The following RBM6 variants were observed in gnomAD, a reference collection of about 807,000 sequenced individuals.
The protein encoded by RBM6 is RNA binding motif protein 6, also known as RNA-binding protein 6.
In RBM6, 23 loss-of-function variants were observed where a neutral mutation model predicts 140.4. The observed-to-expected ratio is 0.16, with a 90% CI of 0.12 to 0.23. The LOEUF (loss-of-function observed/expected upper bound fraction) is 0.23. Among genes scored for constraint, RBM6 ranks in the 10% least tolerant of loss-of-function variants. The pLI, the probability that RBM6 is intolerant of heterozygous loss-of-function variation, is 1.00. For synonymous variants in RBM6, 439 were observed against 475.6 expected (o/e 0.92, Z 1.00); for missense variants, 1,139 against 1,386.7 (o/e 0.82, Z 2.84).
In RBM6 at chr3:49,968,422, G is replaced by A. The variant is rs143972186; in HGVS notation, c.997G>A (p.Glu333Lys). ...GCCTGCTTTTGGCATTCAGAAGGGAGAATTTGAGCATTCAGAAACAAGAGA... is the reference window on the plus strand; with the variant it reads ...GCCTGCTTTTGGCATTCAGAAGGGAAAATTTGAGCATTCAGAAACAAGAGA... ...ERPAFGIQKG[E>K]FEHSETREGE... Residue 333 changes from glutamate (E) to lysine (K), a missense_variant, in exon 3 of 21, where the codon GAA becomes AAA. This residue lies in a region of RBM6 where 566 missense variants were observed against 612.7 expected (regional missense o/e 0.92). Transcript: ENST00000266022. The A allele has an allele frequency of 4.7e-3, 7,550 of 1,614,150 alleles. 30 individuals are homozygous for A. Among genetic ancestry groups the A allele is most frequent in the Middle Eastern group, 7.4e-3 (45 of 6,062 alleles).
intron 1 of RBM6, among the ~76,000 whole-genome samples, chr3:49,954,301 G>A (rs1269505425): frequency 6.6e-6 from 1 of 151,908 alleles, no homozygotes. Flanking sequence ...TTAGCTGGGC[G>A]TGGTGGCACG....
At chr3:50,075,381 A>G (rs754537490) in intron 20 of RBM6, 51 bp downstream of exon 20, 5 of 1,595,870 alleles carry the variant, frequency 3.1e-6, no homozygotes, top group Middle Eastern at 1.7e-4. Flanking sequence ...GAATGTAATT[A>G]ACTTTCACTT....
chr3:50,002,264 CTT>C (rs781666292), intron 6 of RBM6, among the ~76,000 whole-genome samples: 25 of 138,000 alleles, frequency 1.8e-4, no homozygotes, highest in Non-Finnish European at 2.5e-4. Context: ...AATTTTTTTT[CTT>C]TTTTTTTTTT....
chr3:50,043,542 A>G, intron 6 of RBM6, among the ~76,000 whole-genome samples: 1 of 150,174 alleles, frequency 6.7e-6, no homozygotes. Flanking sequence ...ATACATATAC[A>G]TACATACATA....
Position 50,077,143 on chromosome 3 carries a change from C to A in RBM6, c.*10C>A. ...TAAAGAACTCGATTAAGAAAGGAGA[C>A]AAGTTCCATGGGATACAACCTCCCT... On this transcript the variant is annotated 3_prime_UTR_variant, in exon 21 of 21. Transcript: ENST00000266022. 6.2e-7 allele frequency: 1 copy of A among 1,607,348 alleles called. No individual in the cohort carries two copies. Among genetic ancestry groups the A allele is most frequent in the Non-Finnish European group, 8.5e-7 (1 of 1,177,650 alleles).
intron 5 of RBM6, among the ~76,000 whole-genome samples, chr3:49,995,836 G>A (rs2086059279): frequency 6.6e-6 from 1 of 152,114 alleles, no homozygotes; most frequent in African/African-American, 2.4e-5. Context: ...TTGGCAGAAT[G>A]TTTAGGTCTT....
chr3:49,958,356 C>T (rs1028873116), intron 1 of RBM6, among the ~76,000 whole-genome samples: 1 of 152,136 alleles, frequency 6.6e-6, no homozygotes, highest in Non-Finnish European at 1.5e-5. Context: ...GAGATCGAGA[C>T]CATCCTGGCT....
chr3:49,989,274 C>G (rs181946357), intron 5 of RBM6, among the ~76,000 whole-genome samples: 5 of 152,210 alleles, frequency 3.3e-5, no homozygotes, highest in Non-Finnish European at 5.9e-5. Context: ...ATATGCCAAT[C>G]GGTTAAATAA....
chr3:49,991,769 G>A (rs1488951385), intron 5 of RBM6, among the ~76,000 whole-genome samples: 12 of 152,018 alleles, frequency 7.9e-5, no homozygotes, highest in Admixed American at 2.0e-4. Context: ...TGGCTAGGTC[G>A]TTTCAAGTCT....
intron 6 of RBM6, among the ~76,000 whole-genome samples, chr3:50,037,919 T>C (rs1159351202): frequency 2.0e-5 from 3 of 151,728 alleles, no homozygotes; most frequent in Non-Finnish European, 4.4e-5. Flanking sequence ...CCTCCCAGGT[T>C]CAGGTGATTC....
intron 11 of RBM6, 139 bp from the exon 12 acceptor site, chr3:50,060,817 C>T (rs2089909255): frequency 1.5e-6 from 1 of 680,974 alleles, no homozygotes; most frequent in Non-Finnish European, 2.3e-6. Context: ...CTGGACCACC[C>T]AACCTGCTTG....
intron 6 of RBM6, among the ~76,000 whole-genome samples, chr3:50,022,266 G>A (rs1175061634): frequency 6.6e-6 from 1 of 151,794 alleles, no homozygotes; most frequent in African/African-American, 2.4e-5. Context: ...TGTTGTGTTT[G>A]AAATATTTAA....
chr3:49,971,126 C>T (rs935891849), intron 3 of RBM6, among the ~76,000 whole-genome samples: 7 of 150,024 alleles, frequency 4.7e-5, no homozygotes, highest in African/African-American at 9.7e-5. Flanking sequence ...ATTAGCTGGG[C>T]GTAGTGATGC....
chr3:50,012,636 C>T (rs999188831), intron 6 of RBM6, among the ~76,000 whole-genome samples: 1 of 151,918 alleles, frequency 6.6e-6, no homozygotes, highest in Non-Finnish European at 1.5e-5. Context: ...AGATTACAGG[C>T]GTGAGCCACC....
rs926308648 is a variant in RBM6, at chr3:50,011,585, A to G, written c.1557+12072A>G. 2.0e-5 allele frequency among the ~76,000 whole-genome samples: 3 copies of G among 152,154 alleles called. No homozygotes were observed. The South Asian group carries it at 6.2e-4, about 32-fold the overall frequency. Reference sequence around the variant, plus strand: ...GGGAAAAGACTGGATTGCAGCTAGAATGTGTGCTCTCCACATATGTCTTTC... The same window carrying G: ...GGGAAAAGACTGGATTGCAGCTAGAGTGTGTGCTCTCCACATATGTCTTTC... On this transcript the variant is annotated intron_variant, in intron 6 of 20. Transcript: ENST00000266022.
intron 7 of RBM6, among the ~76,000 whole-genome samples, chr3:50,049,230 T>C (rs1314517701): frequency 6.6e-6 from 1 of 151,872 alleles, no homozygotes; most frequent in African/African-American, 2.4e-5. Flanking sequence ...TGCCCCAGCC[T>C]CCCGAGTAGC....
At chr3:49,995,432 A>G (rs992261436) in intron 5 of RBM6, among the ~76,000 whole-genome samples, 6 of 151,932 alleles carry the variant, frequency 3.9e-5, no homozygotes, top group African/African-American at 1.4e-4. Flanking sequence ...AGTCCCAGCT[A>G]CTGCAGGTAC....
At chr3:49,950,695 C>T (rs2083692908) in intron 1 of RBM6, among the ~76,000 whole-genome samples, 1 of 150,254 alleles carries the variant, frequency 6.7e-6, no homozygotes, top group East Asian at 2.0e-4. Context: ...ACGGAGGTTG[C>T]AGTAAGCTGA....
intron 1 of RBM6, among the ~76,000 whole-genome samples, chr3:49,953,531 T>C (rs2083835714): frequency 6.6e-6 from 1 of 150,972 alleles, no homozygotes; most frequent in African/African-American, 2.4e-5. Context: ...GCCTTTTTTT[T>C]TTTTTTTGAG....
Sources: gnomAD v4.1 joint callset for allele counts (sites outside exome capture counted in the v4.1 genomes callset) on GRCh38, gnomAD v4.1.1 for gene constraint, gnomAD v4.1.1 regional missense constraint, MANE v1.5 for transcripts, NCBI Gene and HGNC (gene_info 2026-07-23, HGNC 2026-07-21) for gene names.